Variants in PAFAH1B2 observed in about 807,000 individuals in gnomAD.
PAFAH1B2 encodes platelet activating factor acetylhydrolase 1b catalytic subunit 2, also known as platelet-activating factor acetylhydrolase IB subunit alpha2.
A neutral mutation model predicts 28.0 loss-of-function variants in PAFAH1B2; 8 were observed. The ratio of observed to expected loss-of-function variants is 0.29; its 90% CI spans 0.17 to 0.52. The LOEUF (loss-of-function observed/expected upper bound fraction) is 0.52. Among genes scored for constraint, PAFAH1B2 ranks in the 20% least tolerant of loss-of-function variants. The pLI, the probability that PAFAH1B2 is intolerant of heterozygous loss-of-function variation, is 0.97. For missense variants in PAFAH1B2, 190 were observed against 282.6 expected, an observed-to-expected ratio of 0.67 and a Z score of 2.35; for synonymous variants, 104 against 103.2, an observed-to-expected ratio of 1.01 and a Z score of -0.05.
rs1343237558 is a variant in PAFAH1B2, at chr11:117,169,124, A to C, written c.*1425A>C. 4 of 1,022,958 alleles carry C rather than the reference A, an allele frequency of 3.9e-6. No individual in the cohort carries two copies. The African/African-American group carries it at 6.8e-5, about 17-fold the overall frequency. 63.4% of individuals were successfully genotyped at this position (1,022,958 alleles called of 1,614,324 possible). A position where few individuals can be genotyped will look rare whatever the true frequency, so the allele number is the denominator to read the frequency against. ...TTAGTTTTTAAATTATCCTCCAAAA[A>C]TTTTGGGCCTTTTTCTGTGGGGAAA... is the stretch of plus-strand genomic sequence containing the variant. On this transcript the variant is annotated 3_prime_UTR_variant, in exon 6 of 6. Coordinates refer to ENST00000527958, the MANE Select transcript of PAFAH1B2 (RefSeq NM_002572.4).
chr11:117,153,228 TTTAAG>T (rs1956191045), intron 2 of PAFAH1B2, among the ~76,000 whole-genome samples: 1 of 152,216 alleles, frequency 6.6e-6, no homozygotes, highest in African/African-American at 2.4e-5. Flanking sequence ...TGGGAAATAT[TTTAAG>T]TTTTTTTATT....
intron 2 of PAFAH1B2, among the ~76,000 whole-genome samples, chr11:117,155,623 G>A (rs1248288388): frequency 6.6e-6 from 1 of 152,006 alleles, no homozygotes; most frequent in Non-Finnish European, 1.5e-5. Context: ...TTGAGAATTT[G>A]GAAATATGTC....
intron 4 of PAFAH1B2, 148 bp downstream of exon 4, chr11:117,161,409 G>T (rs3736120): frequency 0.66 from 333,159 of 502,970 alleles, 116,237 homozygotes; most frequent in Non-Finnish European, 0.76. Context: ...TACTGTCATT[G>T]CTTGAGAATA....
chr11:117,169,611 A>C lies in PAFAH1B2; in HGVS notation c.*1912A>C, dbSNP rs866789805. The C allele has an allele frequency of 9.5e-7, 1 of 1,051,854 alleles. No homozygotes were observed. The highest frequency in any genetic ancestry group is 1.1e-6 in the Non-Finnish European group (1 of 869,994). 65.2% of individuals were successfully genotyped at this position (1,051,854 alleles called of 1,614,324 possible). ...TTTGGTTTTGTTCTTTTTAAAAAAT[A>C]CATACTTTTTTGAATGTATCATGTC... On this transcript the variant is annotated 3_prime_UTR_variant, in exon 6 of 6. Transcript: ENST00000527958.
At chr11:117,159,152 A>G (rs1424712147) in intron 2 of PAFAH1B2, among the ~76,000 whole-genome samples, 1 of 152,234 alleles carries the variant, frequency 6.6e-6, no homozygotes. Context: ...CTGTGTATCT[A>G]CAATTTTCTT....
At chr11:117,152,626 C>A in intron 2 of PAFAH1B2, 98 bp downstream of exon 2, 1 of 840,110 alleles carries the variant, frequency 1.2e-6, no homozygotes, top group Non-Finnish European at 2.0e-6. Context: ...CTGTGTTGCC[C>A]AGGCTGATCT....
At chr11:117,174,956 C>A, downstream of PAFAH1B2, 1 of 1,510,136 alleles carries the variant, frequency 6.6e-7, no homozygotes, top group Non-Finnish European at 8.8e-7. Flanking sequence ...CCACCTGAAG[C>A]TTCCTCCCTG....
chr11:117,164,735 G>T (rs1956462567), intron 5 of PAFAH1B2, among the ~76,000 whole-genome samples: 1 of 151,600 alleles, frequency 6.6e-6, no homozygotes, highest in Non-Finnish European at 1.5e-5. Flanking sequence ...GTCTGTTTCA[G>T]TATAAAAGTC....
intron 2 of PAFAH1B2, among the ~76,000 whole-genome samples, chr11:117,153,548 G>A (rs10790174): frequency 0.62 from 94,184 of 151,876 alleles, 31,418 homozygotes; most frequent in Non-Finnish European, 0.76. Context: ...CCGCCACCAC[G>A]CTCAGCTAAT....
At chr11:117,175,325 A>G (rs550072717), downstream of PAFAH1B2, 17 of 1,069,356 alleles carry the variant, frequency 1.6e-5, no homozygotes, top group South Asian at 3.6e-4. Context: ...GCTGCAGCCA[A>G]CAAAAAGGCA....
In PAFAH1B2 at chr11:117,170,795, G is replaced by A; in HGVS notation, c.*3096G>A. On this transcript the variant is annotated 3_prime_UTR_variant, in exon 6 of 6. Coordinates refer to ENST00000527958, the MANE Select transcript of PAFAH1B2 (RefSeq NM_002572.4). Reference sequence around the variant, plus strand: ...GAAGAAACTAAAAATATATGGAAATGAGGAGCATGTCCAAGCTCCTAAATC... The same window carrying A: ...GAAGAAACTAAAAATATATGGAAATAAGGAGCATGTCCAAGCTCCTAAATC... The A allele has an allele frequency of 9.4e-7, 1 of 1,059,668 alleles. No individual in the cohort carries two copies. The highest frequency in any genetic ancestry group is 5.1e-5 in the East Asian group (1 of 19,556). 65.6% of individuals were successfully genotyped at this position (1,059,668 alleles called of 1,614,324 possible). A position where few individuals can be genotyped will look rare whatever the true frequency, so the allele number is the denominator to read the frequency against.
rs1565276581 is a variant in PAFAH1B2, at chr11:117,170,107, T to G, written c.*2408T>G. ...GTTCACTTTCATTTTTTGCCAGATTTCTTTGCACTACTTTAGGTAAAAATA... is the reference window on the plus strand; with the variant it reads ...GTTCACTTTCATTTTTTGCCAGATTGCTTTGCACTACTTTAGGTAAAAATA... On this transcript the variant is annotated 3_prime_UTR_variant, in exon 6 of 6. Transcript: ENST00000527958. 5.7e-6 allele frequency: 6 copies of G among 1,055,672 alleles called. No individual in the cohort carries two copies. The highest frequency in any genetic ancestry group is 6.9e-6 in the Non-Finnish European group (6 of 873,382). 65.4% of individuals were successfully genotyped at this position (1,055,672 alleles called of 1,614,324 possible). A position where few individuals can be genotyped will look rare whatever the true frequency, so the allele number is the denominator to read the frequency against.
At chr11:117,163,956 A>G in intron 5 of PAFAH1B2, 64 bp downstream of exon 5, 2 of 1,530,292 alleles carry the variant, frequency 1.3e-6, no homozygotes, top group Non-Finnish European at 1.8e-6. Context: ...TCTTTTTAGA[A>G]ATGTGATTGC....
intron 2 of PAFAH1B2, 134 bp downstream of exon 2, chr11:117,152,662 C>T: frequency 1.5e-6 from 1 of 656,298 alleles, no homozygotes; most frequent in Non-Finnish European, 2.8e-6. Context: ...AAGTGATCCT[C>T]CCACTTCAGC....
chr11:117,175,766 GC>G, downstream of PAFAH1B2: 1 of 1,069,960 alleles, frequency 9.3e-7, no homozygotes. Flanking sequence ...GTCACATCTT[GC>G]CCCAAAGTTA....
intron 2 of PAFAH1B2, among the ~76,000 whole-genome samples, chr11:117,156,719 T>A (rs1956262563): frequency 6.6e-6 from 1 of 152,154 alleles, no homozygotes; most frequent in African/African-American, 2.4e-5. Flanking sequence ...GCTATTTTAT[T>A]GGTGTTGAAA....
chr11:117,175,282 T>G (rs2029911377), downstream of PAFAH1B2: 1 of 1,075,652 alleles, frequency 9.3e-7, no homozygotes, highest in Non-Finnish European at 1.1e-6. Context: ...CAAGTCTGGC[T>G]TTGAGACACA....
chr11:117,152,417 C>T, intron 1 of PAFAH1B2, 24 bp from the exon 2 acceptor site: 1 of 1,445,586 alleles, frequency 6.9e-7, no homozygotes, highest in Non-Finnish European at 9.7e-7. Context: ...ACAAATGAAA[C>T]ATGACATAGA....
intron 1 of PAFAH1B2, among the ~76,000 whole-genome samples, chr11:117,148,144 T>G (rs574780451): frequency 2.6e-5 from 4 of 151,450 alleles, no homozygotes; most frequent in African/African-American, 9.7e-5. Context: ...CTCCACCTCC[T>G]GGGTTCAAGA....
Sources: gnomAD v4.1 joint callset for allele counts (sites outside exome capture counted in the v4.1 genomes callset) on GRCh38, gnomAD v4.1.1 for gene constraint, MANE v1.5 for transcripts, NCBI Gene and HGNC (gene_info 2026-07-23, HGNC 2026-07-21) for gene names.